Variants in PPARGC1A observed in about 807,000 individuals in gnomAD.
PPARGC1A encodes PPARG coactivator 1 alpha.
Under a neutral mutation model 88.7 loss-of-function variants are expected in PPARGC1A, and 25 were observed. The observed-to-expected ratio is 0.28, with a 90% CI of 0.21 to 0.39. The LOEUF (loss-of-function observed/expected upper bound fraction) is 0.39, where lower values mean the gene tolerates loss of function less well. Among genes scored for constraint, PPARGC1A ranks in the 10% least tolerant of loss-of-function variants. The pLI, the probability that PPARGC1A is intolerant of heterozygous loss-of-function variation, is 1.00. For synonymous variants in PPARGC1A, 363 were observed against 355.6 expected, an observed-to-expected ratio of 1.02 and a Z score of -0.24; for missense variants, 880 against 968.7, an observed-to-expected ratio of 0.91 and a Z score of 1.22.
the PPARGC1A span, among the ~76,000 whole-genome samples, chr4:24,301,029 C>T: frequency 0.34 from 51,257 of 151,450 alleles, 9,277 homozygotes; most frequent in African/African-American, 0.48. Flanking sequence ...TATTTCTGGT[C>T]TTTATTCATA....
At chr4:24,221,225 A>G in the PPARGC1A span, among the ~76,000 whole-genome samples, 20 of 152,130 alleles carry the variant, frequency 1.3e-4, no homozygotes, top group African/African-American at 4.6e-4. Context: ...CATTCCTTAA[A>G]TTTTTACTAT....
chr4:23,818,975 G>GA (rs559569343), intron 7 of PPARGC1A, among the ~76,000 whole-genome samples: 9 of 140,912 alleles, frequency 6.4e-5, no homozygotes, highest in Admixed American at 7.7e-5. Context: ...AGGTATTTAA[G>GA]AAAAAAAAAA....
At chr4:23,829,983 A>G (rs956013511) in intron 3 of PPARGC1A, among the ~76,000 whole-genome samples, 1 of 152,236 alleles carries the variant, frequency 6.6e-6, no homozygotes, top group South Asian at 2.1e-4. Context: ...TGAACAAATA[A>G]AGCAAAAAAC....
the PPARGC1A span, among the ~76,000 whole-genome samples, chr4:24,352,110 T>G: frequency 1.3e-5 from 2 of 152,022 alleles, no homozygotes; most frequent in Non-Finnish European, 2.9e-5. Flanking sequence ...TGCTGGGACT[T>G]GAACTATACA....
chr4:23,854,472 A>G (rs1275013974), intron 2 of PPARGC1A, among the ~76,000 whole-genome samples: 6 of 152,158 alleles, frequency 3.9e-5, no homozygotes, highest in African/African-American at 1.4e-4. Context: ...GTCCTATCCA[A>G]TTACCGGAAA....
At chr4:24,339,233 TATATACACACAC>T in the PPARGC1A span, among the ~76,000 whole-genome samples, 4 of 119,260 alleles carry the variant, frequency 3.4e-5, no homozygotes, top group Admixed American at 8.2e-5. Flanking sequence ...TATATATATA[TATATACACACAC>T]ACACACACAC....
chr4:23,856,004 C>T (rs141264696), intron 2 of PPARGC1A, among the ~76,000 whole-genome samples: 1 of 152,288 alleles, frequency 6.6e-6, no homozygotes, highest in African/African-American at 2.4e-5. Context: ...AATTACTGCA[C>T]TAGTGTTATG....
chr4:24,312,608 TG>T, the PPARGC1A span, among the ~76,000 whole-genome samples: 16 of 88,910 alleles, frequency 1.8e-4, no homozygotes, highest in African/African-American at 5.4e-4. Flanking sequence ...AAATGTGGGG[TG>T]GGGGGGAAAA....
chr4:23,829,309 G>A (rs921024882), intron 4 of PPARGC1A, among the ~76,000 whole-genome samples, 154 bp downstream of exon 4: 12 of 152,158 alleles, frequency 7.9e-5, no homozygotes, highest in Admixed American at 6.5e-4. Context: ...TAGCTCAAGC[G>A]CTGTTTACGG....
At chr4:24,279,622 C>G in the PPARGC1A span, among the ~76,000 whole-genome samples, 1 of 152,148 alleles carries the variant, frequency 6.6e-6, no homozygotes, top group Admixed American at 6.5e-5. Flanking sequence ...TTGATTCACA[C>G]ATGGTCTTCT....
the PPARGC1A span, among the ~76,000 whole-genome samples, chr4:24,075,166 A>T: frequency 6.6e-6 from 1 of 152,182 alleles, no homozygotes; most frequent in Non-Finnish European, 1.5e-5. Context: ...GCTTGTCATC[A>T]TGTGTTTAAA....
the PPARGC1A span, among the ~76,000 whole-genome samples, chr4:24,182,654 C>T: frequency 6.6e-6 from 1 of 152,096 alleles, no homozygotes; most frequent in Non-Finnish European, 1.5e-5. Context: ...GCCTCGCCAG[C>T]ATCTGTTGTC....
At chr4:24,407,889 C>G in the PPARGC1A span, among the ~76,000 whole-genome samples, 1 of 152,108 alleles carries the variant, frequency 6.6e-6, no homozygotes, top group Non-Finnish European at 1.5e-5. Flanking sequence ...TAGACTCATT[C>G]CAAACTCATT....
intron 12 of PPARGC1A, among the ~76,000 whole-genome samples, chr4:23,797,436 G>A (rs1395927117): frequency 6.6e-6 from 1 of 152,108 alleles, no homozygotes; most frequent in African/African-American, 2.4e-5. Context: ...CAAGAGGGAA[G>A]ATTCCCCCAG....
At chr4:24,065,684 T>C in the PPARGC1A span, among the ~76,000 whole-genome samples, 2 of 152,096 alleles carry the variant, frequency 1.3e-5, no homozygotes, top group African/African-American at 2.4e-5. Flanking sequence ...AGCTAGAGCC[T>C]CTGTATGCTT....
chr4:24,094,526 T>A, the PPARGC1A span, among the ~76,000 whole-genome samples: 1 of 152,190 alleles, frequency 6.6e-6, no homozygotes, highest in Non-Finnish European at 1.5e-5. Flanking sequence ...GAAATATGAA[T>A]TTTAAAAAGA....
At chr4:24,010,847 C>T in the PPARGC1A span, among the ~76,000 whole-genome samples, 4 of 152,154 alleles carry the variant, frequency 2.6e-5, no homozygotes, top group Middle Eastern at 3.2e-3. Context: ...ATTACTGACA[C>T]ACTCCAGGTT....
At chr4:24,012,381 T>G in the PPARGC1A span, among the ~76,000 whole-genome samples, 1 of 152,108 alleles carries the variant, frequency 6.6e-6, no homozygotes, top group Non-Finnish European at 1.5e-5. Context: ...TATTATGCTC[T>G]GGACATTTGA....
chr4:24,418,226 A>G, the PPARGC1A span, among the ~76,000 whole-genome samples: 2 of 152,190 alleles, frequency 1.3e-5, no homozygotes, highest in African/African-American at 4.8e-5. Context: ...CCCACCCCAT[A>G]GAACTTGGCG....
Sources: allele counts gnomAD v4.1 joint callset (sites outside exome capture counted in the v4.1 genomes callset), GRCh38; gene constraint gnomAD v4.1.1; transcripts MANE v1.5; gene names NCBI Gene and HGNC (gene_info 2026-07-23, HGNC 2026-07-21).